Variants in NXPE2 observed in about 807,000 individuals in gnomAD.
The protein encoded by NXPE2 is NXPE family member 2.
Under a neutral mutation model 34.4 loss-of-function variants are expected in NXPE2, and 34 were observed. The ratio of observed to expected loss-of-function variants is 0.99; its 90% CI spans 0.75 to 1.31. The LOEUF is 1.31. Ranked by LOEUF, NXPE2 falls within the 40% of genes most tolerant of loss-of-function variation. The pLI is 0.00. For missense variants in NXPE2, 649 were observed against 672.5 expected, an observed-to-expected ratio of 0.97 and a Z score of 0.39; for synonymous variants, 235 against 231.3, an observed-to-expected ratio of 1.02 and a Z score of -0.15.
chr11:114,642,781 T>A, the NXPE2 span, among the ~76,000 whole-genome samples: 1 of 152,132 alleles, frequency 6.6e-6, no homozygotes, highest in Admixed American at 6.6e-5. Flanking sequence ...ATATACCCAG[T>A]ACTGGGCTTG....
At chr11:114,602,782 T>C in the NXPE2 span, among the ~76,000 whole-genome samples, 1 of 144,496 alleles carries the variant, frequency 6.9e-6, no homozygotes, top group East Asian at 2.1e-4. Context: ...TACAGAATAA[T>C]GTATAATAAT....
the NXPE2 span, chr11:114,527,311 T>C: frequency 2.6e-5 from 4 of 152,258 alleles, no homozygotes; most frequent in Non-Finnish European, 5.9e-5. Flanking sequence ...TTGAAGTAAG[T>C]ATCATGATGG....
chr11:114,592,655 TTC>T, the NXPE2 span, among the ~76,000 whole-genome samples: 1 of 152,100 alleles, frequency 6.6e-6, no homozygotes, highest in Non-Finnish European at 1.5e-5. Context: ...ACCAATAATA[TTC>T]TTCATCGAAA....
the NXPE2 span, among the ~76,000 whole-genome samples, chr11:114,532,918 A>C: frequency 2.6e-5 from 4 of 152,182 alleles, no homozygotes; most frequent in Admixed American, 6.5e-5. Context: ...TCTCAGACTT[A>C]TCTGATTGGA....
chr11:114,654,688 T>G, the NXPE2 span, among the ~76,000 whole-genome samples: 3 of 152,216 alleles, frequency 2.0e-5, no homozygotes, highest in Admixed American at 2.0e-4. Context: ...CCATGGTGTA[T>G]ATATACCATA....
chr11:114,747,313 C>A, the NXPE2 span, among the ~76,000 whole-genome samples: 2 of 152,040 alleles, frequency 1.3e-5, no homozygotes, highest in Non-Finnish European at 2.9e-5. Context: ...GCTATAGCAA[C>A]CCGGAATACA....
chr11:114,502,920 A>G, the NXPE2 span, among the ~76,000 whole-genome samples: 1 of 152,162 alleles, frequency 6.6e-6, no homozygotes, highest in Admixed American at 6.5e-5. Flanking sequence ...TTACTCTTTT[A>G]GCCACTGGGA....
chr11:114,727,247 C>A, the NXPE2 span, among the ~76,000 whole-genome samples: 1 of 152,066 alleles, frequency 6.6e-6, no homozygotes, highest in Non-Finnish European at 1.5e-5. Flanking sequence ...AGTCTGAGAT[C>A]AGGGTGTCAG....
chr11:114,493,547 C>T, the NXPE2 span, among the ~76,000 whole-genome samples: 1 of 152,094 alleles, frequency 6.6e-6, no homozygotes, highest in South Asian at 2.1e-4. Flanking sequence ...TCATTTTGAA[C>T]CGATGACAAC....
At chr11:114,532,592 C>T in the NXPE2 span, among the ~76,000 whole-genome samples, 1 of 151,720 alleles carries the variant, frequency 6.6e-6, no homozygotes, top group Non-Finnish European at 1.5e-5. Flanking sequence ...AAAAACAAAC[C>T]AATTAATTTT....
chr11:114,468,578 A>G, the NXPE2 span, among the ~76,000 whole-genome samples: 1 of 152,104 alleles, frequency 6.6e-6, no homozygotes, highest in South Asian at 2.1e-4. Context: ...GACATTTGGA[A>G]GTGTCTGGAG....
At chr11:114,698,967 G>C (rs1259965777) in intron 3 of NXPE2, among the ~76,000 whole-genome samples, 189 bp downstream of exon 3, 1 of 152,100 alleles carries the variant, frequency 6.6e-6, no homozygotes, top group African/African-American at 2.4e-5. Context: ...AGAACTATTT[G>C]CTGACAGGAG....
chr11:114,787,530 C>T, the NXPE2 span, among the ~76,000 whole-genome samples: 1 of 152,258 alleles, frequency 6.6e-6, no homozygotes, highest in South Asian at 2.1e-4. Flanking sequence ...CGGATTTGAG[C>T]AGGGGCTATA....
chr11:114,602,634 TTCATATATAATAATTTTC>T, the NXPE2 span, among the ~76,000 whole-genome samples: 2 of 141,494 alleles, frequency 1.4e-5, no homozygotes, highest in African/African-American at 5.1e-5. Flanking sequence ...AAATTATAGA[TTCATATATAATAATTTTC>T]TCATATATAA....
chr11:114,675,719 T>C (rs1353765524), upstream of NXPE2, among the ~76,000 whole-genome samples: 1 of 151,904 alleles, frequency 6.6e-6, no homozygotes, highest in Admixed American at 6.6e-5. Flanking sequence ...AAAATTCCAA[T>C]GGACTTTCTA....
chr11:114,625,964 C>T, the NXPE2 span, among the ~76,000 whole-genome samples: 21 of 151,710 alleles, frequency 1.4e-4, no homozygotes, highest in Non-Finnish European at 2.1e-4. Flanking sequence ...TGCACTTTTC[C>T]GATGGGCTTA....
At chr11:114,614,742 T>A in the NXPE2 span, among the ~76,000 whole-genome samples, 17 of 151,846 alleles carry the variant, frequency 1.1e-4, no homozygotes, top group African/African-American at 4.1e-4. Context: ...GTAACCAGTG[T>A]TACCCAGTGG....
the NXPE2 span, among the ~76,000 whole-genome samples, chr11:114,564,385 C>CA: frequency 6.6e-6 from 1 of 151,938 alleles, no homozygotes; most frequent in African/African-American, 2.4e-5. Context: ...ATCAATGCAC[C>CA]AAAATCTCAT....
At chr11:114,521,277 A>G in the NXPE2 span, among the ~76,000 whole-genome samples, 3 of 152,292 alleles carry the variant, frequency 2.0e-5, no homozygotes, top group Admixed American at 6.5e-5. Context: ...TTATTCTTGC[A>G]TGTCTCTTTT....
Sources: allele counts gnomAD v4.1 joint callset (sites outside exome capture counted in the v4.1 genomes callset), GRCh38; gene constraint gnomAD v4.1.1; transcripts MANE v1.5; gene names NCBI Gene and HGNC (gene_info 2026-07-23, HGNC 2026-07-21).